The following ATXN1 variants were observed in gnomAD, a reference collection of about 807,000 sequenced individuals.
The protein encoded by ATXN1 is ataxin-1.
ATXN1 carries 8 observed loss-of-function variants against 56.4 expected under a neutral mutation model. The observed-to-expected ratio is 0.14, with a 90% CI of 0.08 to 0.26. The LOEUF (loss-of-function observed/expected upper bound fraction) is 0.26, where lower values mean the gene tolerates loss of function less well. Among genes scored for constraint, ATXN1 ranks in the 10% least tolerant of loss-of-function variants. The probability of loss-of-function intolerance (pLI) is 1.00; values close to 1 mark genes in which losing one functional copy is unlikely to be tolerated. For missense variants in ATXN1, 987 were observed against 1,106.5 expected (o/e 0.89, Z 1.53); for synonymous variants, 514 against 494.6 (o/e 1.04, Z -0.52).
intron 6 of ATXN1, among the ~76,000 whole-genome samples, chr6:16,428,776 C>A (rs911605861): frequency 2.0e-5 from 3 of 152,142 alleles, no homozygotes; most frequent in Non-Finnish European, 4.4e-5. Context: ...ACACAACTCA[C>A]TACACATCAC....
intron 6 of ATXN1, among the ~76,000 whole-genome samples, chr6:16,437,858 T>G (rs750332539): frequency 2.0e-5 from 3 of 152,210 alleles, no homozygotes; most frequent in Non-Finnish European, 4.4e-5. Context: ...TATTTTGAAA[T>G]GCACTGTCCA....
At chr6:16,704,133 G>A (rs186162152) in intron 2 of ATXN1, among the ~76,000 whole-genome samples, 3 of 152,130 alleles carry the variant, frequency 2.0e-5, no homozygotes, top group Non-Finnish European at 2.9e-5. Flanking sequence ...ACACGTCATG[G>A]AGCCCACACT....
chr6:16,328,124 C>A lies in ATXN1; in HGVS notation c.187G>T (p.Ala63Ser), dbSNP rs1195602589. The A allele has an allele frequency of 1.9e-6, 3 of 1,587,872 alleles. No homozygotes were observed. Among genetic ancestry groups the A allele is most frequent in the Non-Finnish European group, 2.6e-6 (3 of 1,163,642 alleles). The change falls in exon 7 of 8, where the codon GCA becomes TCA. Residue 63 changes from alanine (A) to serine (S), a missense_variant. Physicochemically the swap from Ala to Ser is moderately conservative, Grantham distance 99. Around this residue, in one of 3 missense-constraint regions of ATXN1, gnomAD observed 723 missense variants for 791.7 expected, o/e 0.91. Transcript: ENST00000436367. This position sits in a 1 kb window ranked among gnomAD's most constrained non-coding sequence, Gnocchi z 6.2. ...AAACCAAGCTCCACCGAGGTCCCTG[C>A]CGGCCCATGCCTCCCGCCCCCGTGG... ...RGHGGGRHGP[A>S]GTSVELGLQQ... is the part of the protein sequence containing the mutation.
chr6:16,590,526 T>C (rs1336146355), intron 3 of ATXN1, among the ~76,000 whole-genome samples: 1 of 152,248 alleles, frequency 6.6e-6, no homozygotes, highest in East Asian at 1.9e-4. Context: ...ACTATCATTA[T>C]TGCATTTTGA....
At chr6:16,655,167 A>C (rs1050649813) in intron 3 of ATXN1, among the ~76,000 whole-genome samples, 1 of 152,248 alleles carries the variant, frequency 6.6e-6, no homozygotes, top group African/African-American at 2.4e-5. Context: ...GGAAAAAGTC[A>C]GATCCCCTAA....
chr6:16,357,099 C>T lies in ATXN1; in HGVS notation c.-160-28629G>A, dbSNP rs983948812. ...TATGGAATTTATGCAAATTCCACAT[C>T]GATTTATATTCATTTATAGTTATTC... On this transcript the variant is annotated intron_variant, in intron 6 of 7. Transcript: ENST00000436367. 2.0e-5 allele frequency among the ~76,000 whole-genome samples: 3 copies of T among 152,134 alleles called. No homozygotes were observed. In the South Asian group the frequency reaches 6.2e-4, roughly 32 times the overall value.
chr6:16,402,648 GA>G lies in ATXN1; in HGVS notation c.-160-74179del, dbSNP rs540113508. Among the ~76,000 whole-genome samples the G allele has an allele frequency of 2.6e-5, 4 of 152,278 alleles. No individual in the cohort carries two copies. In the South Asian group the frequency reaches 8.3e-4, roughly 32 times the overall value. ...ATGAAAGCTGTTCCTCCTTTCAAGG[GA>G]GGATCATTTACATGGGCCCAGACCA... On this transcript the variant is annotated intron_variant, in intron 6 of 7. Coordinates refer to ENST00000436367, the MANE Select transcript of ATXN1 (RefSeq NM_001128164.2).
chr6:16,533,614 A>G (rs1321290280), intron 4 of ATXN1, among the ~76,000 whole-genome samples: 1 of 152,210 alleles, frequency 6.6e-6, no homozygotes, highest in African/African-American at 2.4e-5. Flanking sequence ...ATGGAGGGAC[A>G]TAGGAAAGGG....
At chr6:16,379,968 T>G (rs1762218455) in intron 6 of ATXN1, among the ~76,000 whole-genome samples, 1 of 152,208 alleles carries the variant, frequency 6.6e-6, no homozygotes, top group African/African-American at 2.4e-5. Flanking sequence ...CCACATGGAC[T>G]GTACACATCC....
chr6:16,688,386 G>A (rs1180735548), intron 2 of ATXN1, among the ~76,000 whole-genome samples: 1 of 152,156 alleles, frequency 6.6e-6, no homozygotes, highest in East Asian at 1.9e-4. Flanking sequence ...AATGGAAGTA[G>A]GGTTCTAAGC....
At chr6:16,462,952 G>T (rs1354074262) in intron 6 of ATXN1, among the ~76,000 whole-genome samples, 1 of 152,070 alleles carries the variant, frequency 6.6e-6, no homozygotes, top group Non-Finnish European at 1.5e-5. Flanking sequence ...CTCCCTGTAT[G>T]ACTATTCACC....
At chr6:16,718,667 G>T (rs1359849624) in intron 2 of ATXN1, among the ~76,000 whole-genome samples, 1 of 152,250 alleles carries the variant, frequency 6.6e-6, no homozygotes, top group African/African-American at 2.4e-5. Flanking sequence ...AACAGCTACA[G>T]TGGAGACCAT....
Position 16,328,540 on chromosome 6 carries a change from A to G in ATXN1, c.-160-70T>C, listed in dbSNP as rs1760903620. On this transcript the variant is annotated intron_variant, in intron 6 of 7. Coordinates refer to ENST00000436367, the MANE Select transcript of ATXN1 (RefSeq NM_001128164.2). This position sits in a 1 kb window ranked among gnomAD's most constrained non-coding sequence, Gnocchi z 6.2. ...GGAGAAAGGGAAGGAGGGAAAGGACATCAGAACATGAGCACCGGGGAAAGA... is the reference window on the plus strand; with the variant it reads ...GGAGAAAGGGAAGGAGGGAAAGGACGTCAGAACATGAGCACCGGGGAAAGA... 2 of 687,678 alleles carry G rather than the reference A, an allele frequency of 2.9e-6. No individual in the cohort carries two copies. Among genetic ancestry groups the G allele is most frequent in the African/African-American group, 1.8e-5 (1 of 55,342 alleles). 42.6% of individuals were successfully genotyped at this position (687,678 alleles called of 1,614,324 possible). A position where few individuals can be genotyped will look rare whatever the true frequency, so the allele number is the denominator to read the frequency against.
intron 6 of ATXN1, among the ~76,000 whole-genome samples, chr6:16,406,460 A>G (rs1192108905): frequency 6.6e-6 from 1 of 152,222 alleles, no homozygotes; most frequent in Non-Finnish European, 1.5e-5. Flanking sequence ...TAGACACCCT[A>G]TTTCCTTAAT....
chr6:16,464,042 G>C (rs1001499631), intron 6 of ATXN1, among the ~76,000 whole-genome samples: 5 of 152,188 alleles, frequency 3.3e-5, no homozygotes, highest in African/African-American at 9.7e-5. Flanking sequence ...CCAGCAGGAA[G>C]TAGCTAGAGC....
intron 6 of ATXN1, among the ~76,000 whole-genome samples, chr6:16,346,201 G>A (rs906117429): frequency 2.0e-5 from 3 of 152,070 alleles, no homozygotes; most frequent in Non-Finnish European, 4.4e-5. Context: ...GATTACAGGC[G>A]CCTGCCACCA....
intron 7 of ATXN1, among the ~76,000 whole-genome samples, chr6:16,318,764 A>G (rs528066165): frequency 1.3e-5 from 2 of 152,298 alleles, no homozygotes; most frequent in Admixed American, 1.3e-4. Flanking sequence ...TACACATGGT[A>G]GCGTGGCTCA....
At chr6:16,724,614 T>C (rs1034575932) in intron 2 of ATXN1, among the ~76,000 whole-genome samples, 1 of 152,354 alleles carries the variant, frequency 6.6e-6, no homozygotes, top group African/African-American at 2.4e-5. Flanking sequence ...AGACCCGAGT[T>C]CTATGTACAA....
At chr6:16,514,738 C>T (rs1034779016) in intron 5 of ATXN1, among the ~76,000 whole-genome samples, 1 of 152,038 alleles carries the variant, frequency 6.6e-6, no homozygotes, top group Non-Finnish European at 1.5e-5. Flanking sequence ...ATCCACGGCA[C>T]TTTGGGAGGC....
Sources: allele counts gnomAD v4.1 joint callset (sites outside exome capture counted in the v4.1 genomes callset), GRCh38; gene constraint gnomAD v4.1.1; regional missense constraint gnomAD v4.1.1; non-coding constraint Gnocchi (gnomAD v3.1); transcripts MANE v1.5; gene names NCBI Gene and HGNC (gene_info 2026-07-23, HGNC 2026-07-21).